TANC1: variants seen among roughly 807,000 people sequenced by gnomAD.
TANC1 encodes the protein protein TANC1.
TANC1 carries 77 observed loss-of-function variants against 149.7 expected under a neutral mutation model. The ratio of observed to expected loss-of-function variants is 0.51; its 90% confidence interval spans 0.43 to 0.62. The LOEUF (loss-of-function observed/expected upper bound fraction) is 0.62. Ranked by LOEUF, TANC1 falls within the 20% of genes least tolerant of loss-of-function variation. The pLI, the probability that TANC1 is intolerant of heterozygous loss-of-function variation, is 0.00. For synonymous variants in TANC1, 854 were observed against 925.0 expected, an observed-to-expected ratio of 0.92 and a Z score of 1.39; for missense variants, 1,985 against 2,321.8, an observed-to-expected ratio of 0.85 and a Z score of 2.98.
At chr2:159,192,033 ATAT>A (rs1559429508) in intron 16 of TANC1, among the ~76,000 whole-genome samples, 1 of 152,164 alleles carries the variant, frequency 6.6e-6, no homozygotes, top group South Asian at 2.1e-4. Flanking sequence ...GAAAAAAAAA[ATAT>A]TATTATACCT....
intron 4 of TANC1, among the ~76,000 whole-genome samples, chr2:159,121,799 A>G (rs999106969): frequency 2.0e-5 from 3 of 152,222 alleles, no homozygotes; most frequent in Non-Finnish European, 4.4e-5. Context: ...ACAGACCTGT[A>G]AACTAGTCAA....
At position 159,225,719 on chromosome 2, in the gene TANC1, A is replaced by T. The variant is rs1285363304; in HGVS notation, c.3843A>T (p.Lys1281Asn). Residue 1281 changes from lysine (K) to asparagine (N), a missense_variant, in exon 24 of 27, where the codon AAA becomes AAT. Transcript: ENST00000263635. ...GNAAWAMATS[K>N]PDILIILLQK... ...CTGCTTGGGCGATGGCCACTTCCAAACCTGATATCTTGATTATACTTTTAC... is the reference window on the plus strand; with the variant it reads ...CTGCTTGGGCGATGGCCACTTCCAATCCTGATATCTTGATTATACTTTTAC... The T allele has an allele frequency of 6.2e-7, 1 of 1,614,158 alleles. No individual in the cohort carries two copies.
chr2:159,199,695 T>G (rs1023223366), intron 19 of TANC1, among the ~76,000 whole-genome samples: 3 of 152,256 alleles, frequency 2.0e-5, no homozygotes, highest in African/African-American at 4.8e-5. Context: ...ATCTAAGACT[T>G]TAAATTACAA....
At chr2:159,222,145 C>A (rs1391300380) in intron 22 of TANC1, among the ~76,000 whole-genome samples, 1 of 152,232 alleles carries the variant, frequency 6.6e-6, no homozygotes, top group Non-Finnish European at 1.5e-5. Flanking sequence ...CTAAATCTCA[C>A]ATGTCTACAC....
chr2:159,064,610 G>A (rs77137053), intron 2 of TANC1, among the ~76,000 whole-genome samples: 7,860 of 152,158 alleles, frequency 0.052, 347 homozygotes, highest in Admixed American at 0.14. Context: ...AGCCTCCCTG[G>A]GTCTCTGTTT....
intron 16 of TANC1, among the ~76,000 whole-genome samples, chr2:159,187,602 G>A (rs962421354): frequency 2.6e-5 from 4 of 152,032 alleles, no homozygotes; most frequent in African/African-American, 9.7e-5. Context: ...ATTTCATGTA[G>A]CCTGGGAATC....
Position 159,217,547 on chromosome 2 carries a change from C to T in TANC1, c.3295C>T (p.Leu1099=). 6.2e-7 allele frequency: 1 copy of T among 1,614,258 alleles called. No homozygotes were observed. The highest frequency in any genetic ancestry group is 8.5e-7 in the Non-Finnish European group (1 of 1,180,044). The change falls in exon 20 of 27, where the codon CTG becomes TTG. Residue 1099 remains leucine (L), a synonymous_variant. Transcript: ENST00000263635. ...RGKLEVCELL[L]GHGAAVSRTN... ...GAAGCTGGAGGTCTGTGAGCTGCTG[C>T]TGGGGCATGGAGCTGCTGTGTCGCG...
chr2:159,191,244 T>C (rs1172378812), intron 16 of TANC1, among the ~76,000 whole-genome samples: 1 of 152,192 alleles, frequency 6.6e-6, no homozygotes, highest in Non-Finnish European at 1.5e-5. Context: ...AAGAAACTGA[T>C]GTGTGGGTCA....
At chr2:159,149,088 C>A (rs182658592) in intron 5 of TANC1, 54 bp from the exon 6 acceptor site, 9 of 1,526,762 alleles carry the variant, frequency 5.9e-6, no homozygotes, top group Non-Finnish European at 7.0e-6. Context: ...CATCCAGATG[C>A]GATACTGAAA....
Position 159,116,495 on chromosome 2 carries a change from T to C in TANC1, c.259+18661T>C, listed in dbSNP as rs915394511. On this transcript the variant is annotated intron_variant, in intron 4 of 26. Coordinates refer to ENST00000263635, the MANE Select transcript of TANC1 (RefSeq NM_033394.3). ...AAGGACCTGTTAGCTTTTGGAAATA[T>C]GGCAATTGATGACCTTTGAGCAGAA... is the stretch of plus-strand genomic sequence containing the variant. Among the ~76,000 whole-genome samples, 3 of 151,026 alleles carry C rather than the reference T, an allele frequency of 2.0e-5. No individual in the cohort carries two copies. The East Asian group carries it at 5.8e-4, about 29-fold the overall frequency.
intron 14 of TANC1, among the ~76,000 whole-genome samples, chr2:159,183,969 G>A (rs2056740120): frequency 6.6e-6 from 1 of 152,162 alleles, no homozygotes; most frequent in East Asian, 1.9e-4. Flanking sequence ...CCCCCCGTCA[G>A]ACGTGGTGCC....
At position 158,982,038 on chromosome 2, in the gene TANC1, T is replaced by C. The variant is rs559055063; in HGVS notation, c.-126+13256T>C. Among the ~76,000 whole-genome samples, 35 of 151,056 alleles carry C rather than the reference T, an allele frequency of 2.3e-4. No homozygotes were observed. The South Asian group carries it at 6.8e-3, about 29-fold the overall frequency. On this transcript the variant is annotated intron_variant, in intron 1 of 26. Transcript: ENST00000263635. The stretch of plus-strand genomic sequence containing the variant: ...TTAATTTGCTATTTACATTTTTTTT[T>C]CCCTTGATATCCTTCCAAGTGCTAG...
At chr2:159,075,420 A>C (rs1054724287) in intron 3 of TANC1, among the ~76,000 whole-genome samples, 28 of 151,426 alleles carry the variant, frequency 1.8e-4, no homozygotes, top group African/African-American at 6.5e-4. Context: ...AAAAAACAAA[A>C]AAAAAACTGG....
At chr2:159,133,577 A>G (rs1553566682) in intron 4 of TANC1, among the ~76,000 whole-genome samples, 1 of 152,082 alleles carries the variant, frequency 6.6e-6, no homozygotes, top group Non-Finnish European at 1.5e-5. Context: ...TATGTCTCTT[A>G]CACAGCAAAT....
At chr2:159,094,743 C>A in intron 3 of TANC1, among the ~76,000 whole-genome samples, 1 of 122,434 alleles carries the variant, frequency 8.2e-6, no homozygotes, top group African/African-American at 3.3e-5. Flanking sequence ...TGCTAGCTAG[C>A]AAAAGAGGGT....
intron 3 of TANC1, among the ~76,000 whole-genome samples, chr2:159,095,889 TTG>T (rs1237800784): frequency 6.6e-6 from 1 of 152,154 alleles, no homozygotes; most frequent in Non-Finnish European, 1.5e-5. Flanking sequence ...ATGGTCTGGT[TTG>T]TATCCCCTTT....
At chr2:159,224,188 ACTC>A in intron 22 of TANC1, 41 bp from the exon 23 acceptor site, 1 of 1,610,902 alleles carries the variant, frequency 6.2e-7, no homozygotes, top group South Asian at 1.1e-5. Context: ...GCGCCCCTGA[ACTC>A]CTGTTCCCAG....
intron 22 of TANC1, 45 bp from the exon 23 acceptor site, chr2:159,224,187 A>T: frequency 1.9e-6 from 3 of 1,611,296 alleles, no homozygotes; most frequent in Non-Finnish European, 2.5e-6. Context: ...TGCGCCCCTG[A>T]ACTCCTGTTC....
At chr2:159,217,671 G>A (rs773468051) in intron 20 of TANC1, 41 bp downstream of exon 20, 1 of 1,608,018 alleles carries the variant, frequency 6.2e-7, no homozygotes, top group South Asian at 1.1e-5. Flanking sequence ...GCAATGAGTG[G>A]GGATGGAGTT....
Sources: allele counts gnomAD v4.1 joint callset (sites outside exome capture counted in the v4.1 genomes callset), GRCh38; gene constraint gnomAD v4.1.1; transcripts MANE v1.5; gene names NCBI Gene and HGNC (gene_info 2026-07-23, HGNC 2026-07-21).